Variants in GPC5 observed in about 807,000 individuals in gnomAD.
GPC5 encodes glypican-5.
A neutral mutation model predicts 53.9 loss-of-function variants in GPC5; 47 were observed. The ratio of observed to expected loss-of-function variants is 0.87; its 90% confidence interval spans 0.69 to 1.11. The LOEUF is 1.11. GPC5 is among the 50% of genes most tolerant of loss of function. The probability of loss-of-function intolerance (pLI) is 0.00; values close to 1 mark genes in which losing one functional copy is unlikely to be tolerated. For missense variants in GPC5, 748 were observed against 713.1 expected, an observed-to-expected ratio of 1.05 and a Z score of -0.56; for synonymous variants, 286 against 263.3, an observed-to-expected ratio of 1.09 and a Z score of -0.84.
rs1301730028 is a variant in GPC5, at chr13:92,476,934, A to G, written c.1561+331945A>G. Among the ~76,000 whole-genome samples the G allele has an allele frequency of 2.7e-3, 394 of 147,582 alleles. 4 individuals carry two copies. Among genetic ancestry groups the G allele is most frequent in the African/African-American group, 8.8e-3 (352 of 39,884 alleles). ...GGGGAGGGATAGCATTGGGAGATAT[A>G]CCTAATGCTAGATGACGAGATAGTG... On this transcript the variant is annotated intron_variant, in intron 7 of 7. Coordinates refer to ENST00000377067, the MANE Select transcript of GPC5 (RefSeq NM_004466.6).
chr13:92,208,631 T>C (rs2042353870), intron 7 of GPC5, among the ~76,000 whole-genome samples: 1 of 152,198 alleles, frequency 6.6e-6, no homozygotes, highest in Non-Finnish European at 1.5e-5. Flanking sequence ...TGCTTTCAGA[T>C]ACAGTTGACT....
rs886113023 is a variant in GPC5, at chr13:91,591,317, A to G, written c.326-101870A>G. ...TGCTGAGAGGTCTGCTGCTGGCCTG[A>G]TGGGGTTCCATCTATATCTGACTTG... On this transcript the variant is annotated intron_variant, in intron 2 of 7. Transcript: ENST00000377067. Among the ~76,000 whole-genome samples, 2 of 152,108 alleles carry G rather than the reference A, an allele frequency of 1.3e-5. 1 individual carries two copies. Among genetic ancestry groups the G allele is most frequent in the South Asian group, 4.1e-4 (2 of 4,820 alleles).
intron 5 of GPC5, among the ~76,000 whole-genome samples, chr13:91,796,412 G>A (rs73607624): frequency 0.025 from 3,825 of 152,274 alleles, 154 homozygotes; most frequent in African/African-American, 0.086. Flanking sequence ...GCTTGAGCTG[G>A]AACAAACAGA....
chr13:92,381,154 T>C (rs1468095499), intron 7 of GPC5, among the ~76,000 whole-genome samples: 1 of 152,170 alleles, frequency 6.6e-6, no homozygotes, highest in Non-Finnish European at 1.5e-5. Flanking sequence ...ATTCAAAATA[T>C]CAGTTTCTTC....
Position 91,553,460 on chromosome 13 carries a change from G to A in GPC5, c.325+104538G>A, listed in dbSNP as rs184949360. ...AAATGCCTGTAGAAATGAACCTAGT[G>A]CAGTGTGCATTTAGGAATAAAAATG... On this transcript the variant is annotated intron_variant, in intron 2 of 7. Transcript: ENST00000377067. 1.1e-3 allele frequency among the ~76,000 whole-genome samples: 174 copies of A among 152,116 alleles called. 1 individual carries two copies. The highest frequency in any genetic ancestry group is 5.9e-4 in the Admixed American group (9 of 15,256).
Position 92,864,946 on chromosome 13 carries a change from G to T in GPC5, c.1562-1336G>T, listed in dbSNP as rs997490333. Reference sequence around the variant, plus strand: ...CTTTCAATCTCTCTGTAATTACCATGTCAATATTTGTGGCTGTAGTAACAA... The same window carrying T: ...CTTTCAATCTCTCTGTAATTACCATTTCAATATTTGTGGCTGTAGTAACAA... On this transcript the variant is annotated intron_variant, in intron 7 of 7. Coordinates refer to ENST00000377067, the MANE Select transcript of GPC5 (RefSeq NM_004466.6). Among the ~76,000 whole-genome samples the T allele has an allele frequency of 3.3e-5, 5 of 152,136 alleles. No homozygotes were observed. In the East Asian group the frequency reaches 5.8e-4, roughly 18 times the overall value.
In GPC5 at chr13:92,140,554, T is replaced by C. The variant is rs1008940788; in HGVS notation, c.1402-4276T>C. Among the ~76,000 whole-genome samples, 5 of 152,332 alleles carry C rather than the reference T, an allele frequency of 3.3e-5. No homozygotes were observed. In the South Asian group the frequency reaches 1.0e-3, roughly 32 times the overall value. On this transcript the variant is annotated intron_variant, in intron 6 of 7. Coordinates refer to ENST00000377067, the MANE Select transcript of GPC5 (RefSeq NM_004466.6). ...GGCCATGGTATGCATTTCTCAAACA[T>C]TTTTCCACATTTTATCACTCTTTCT...
intron 2 of GPC5, among the ~76,000 whole-genome samples, chr13:91,544,443 C>T (rs894866810): frequency 6.6e-6 from 1 of 152,080 alleles, no homozygotes; most frequent in Non-Finnish European, 1.5e-5. Context: ...TGTTTGTGTA[C>T]TGGTCTTTGT....
Position 91,628,117 on chromosome 13 carries a change from T to C in GPC5, c.326-65070T>C, listed in dbSNP as rs74107733. Among the ~76,000 whole-genome samples, 1,254 of 152,276 alleles carry C rather than the reference T, an allele frequency of 8.2e-3. 19 individuals carry two copies. Among genetic ancestry groups the C allele is most frequent in the African/African-American group, 0.028 (1,179 of 41,568 alleles). ...CTTTATTTTGATGCATGAAGTTAAC[T>C]ATTTGTTTTGGTGTTAATGTTACCT... On this transcript the variant is annotated intron_variant, in intron 2 of 7. Transcript: ENST00000377067.
intron 7 of GPC5, among the ~76,000 whole-genome samples, chr13:92,613,808 G>T (rs2139102598): frequency 6.7e-6 from 1 of 150,014 alleles, no homozygotes; most frequent in African/African-American, 2.4e-5. Context: ...AGTGAGATAG[G>T]ATGGTGCCAC....
At chr13:91,667,285 A>G (rs1412823195) in intron 2 of GPC5, among the ~76,000 whole-genome samples, 2 of 152,196 alleles carry the variant, frequency 1.3e-5, no homozygotes, top group African/African-American at 4.8e-5. Flanking sequence ...ATTAACTGAC[A>G]GTGGCTAGAT....
intron 6 of GPC5, among the ~76,000 whole-genome samples, chr13:91,998,506 T>A (rs1460398686): frequency 1.3e-5 from 2 of 152,288 alleles, no homozygotes; most frequent in East Asian, 3.9e-4. Flanking sequence ...TGACCTAATC[T>A]CCTATTTATT....
intron 7 of GPC5, among the ~76,000 whole-genome samples, chr13:92,521,531 A>T (rs888467798): frequency 1.3e-5 from 2 of 152,244 alleles, no homozygotes; most frequent in African/African-American, 2.4e-5. Context: ...TGGGGAAAGG[A>T]TTCCCTATTT....
chr13:92,562,629 T>C (rs544487868), intron 7 of GPC5, among the ~76,000 whole-genome samples: 65 of 152,202 alleles, frequency 4.3e-4, no homozygotes, highest in African/African-American at 1.6e-3. Context: ...TTTGCTTCAT[T>C]ATTTCTTCAA....
intron 2 of GPC5, among the ~76,000 whole-genome samples, chr13:91,571,957 A>ACACATGTATATACATATACACACG (rs1855578722): frequency 8.5e-6 from 1 of 117,990 alleles, no homozygotes; most frequent in African/African-American, 4.0e-5. Context: ...ATATACACAC[A>ACACATGTATATACATATACACACG]TATATGTATA....
intron 5 of GPC5, among the ~76,000 whole-genome samples, chr13:91,891,960 T>C (rs940991171): frequency 6.6e-5 from 10 of 152,036 alleles, no homozygotes; most frequent in African/African-American, 2.4e-4. Context: ...AGAACAACTA[T>C]GGATAAAAAT....
intron 7 of GPC5, among the ~76,000 whole-genome samples, chr13:92,721,206 T>C (rs531709330): frequency 6.6e-6 from 1 of 152,148 alleles, no homozygotes; most frequent in African/African-American, 2.4e-5. Flanking sequence ...AGTATCTATA[T>C]GATGTCCCAG....
rs187002969 is a variant in GPC5 at position 92,684,019 on chromosome 13, C to T, written c.1562-182263C>T. Reference sequence around the variant, plus strand: ...ATGTACCCATCATGACAATATTACACAGAATAATAGTTTAACTGCCCTAAA... The same window carrying T: ...ATGTACCCATCATGACAATATTACATAGAATAATAGTTTAACTGCCCTAAA... On this transcript the variant is annotated intron_variant, in intron 7 of 7. Transcript: ENST00000377067. Among the ~76,000 whole-genome samples the T allele has an allele frequency of 7.0e-4, 106 of 152,210 alleles. No homozygotes were observed. In the Middle Eastern group the frequency reaches 0.01, roughly 15 times the overall value.
rs781522586 is a variant in GPC5 at position 91,448,936 on chromosome 13, G to A, written c.325+14G>A. On this transcript the variant is annotated intron_variant, in intron 2 of 7. Transcript: ENST00000377067. ...CTGCTTTTCAAGGTAAGTGGATCTT[G>A]AATTCTGCAACTAAGGACTGGCCGT... The A allele has an allele frequency of 1.2e-6, 2 of 1,610,166 alleles. No homozygotes were observed. Among genetic ancestry groups the A allele is most frequent in the Non-Finnish European group, 1.7e-6 (2 of 1,178,190 alleles).
Sources: allele counts gnomAD v4.1 joint callset (sites outside exome capture counted in the v4.1 genomes callset), GRCh38; gene constraint gnomAD v4.1.1; transcripts MANE v1.5; gene names NCBI Gene and HGNC (gene_info 2026-07-23, HGNC 2026-07-21).